Variants in NRG3 observed in about 807,000 individuals in gnomAD.
The protein encoded by NRG3 is pro-neuregulin-3, membrane-bound isoform.
A neutral mutation model predicts 66.9 loss-of-function variants in NRG3; 31 were observed. That is an observed-to-expected ratio of 0.46 (90% CI 0.35 to 0.63). The LOEUF (loss-of-function observed/expected upper bound fraction) is 0.63. Among genes scored for constraint, NRG3 ranks in the 20% least tolerant of loss-of-function variants. The pLI is 0.00. For missense variants in NRG3, 910 were observed against 878.9 expected, an observed-to-expected ratio of 1.04 and a Z score of -0.45; for synonymous variants, 393 against 359.4, an observed-to-expected ratio of 1.09 and a Z score of -1.06.
chr10:82,194,000 A>C (rs533919181), intron 1 of NRG3, among the ~76,000 whole-genome samples: 1 of 152,294 alleles, frequency 6.6e-6, no homozygotes, highest in South Asian at 2.1e-4. Context: ...TTGGCAAAGA[A>C]AATTGAGTAA....
chr10:82,419,098 A>G (rs778194146), intron 2 of NRG3, among the ~76,000 whole-genome samples: 3 of 152,210 alleles, frequency 2.0e-5, no homozygotes, highest in Non-Finnish European at 4.4e-5. Flanking sequence ...TTTATAAGGA[A>G]ATACAAGCAT....
At chr10:81,958,323 A>G (rs1170373193) in intron 1 of NRG3, among the ~76,000 whole-genome samples, 5 of 152,244 alleles carry the variant, frequency 3.3e-5, no homozygotes, top group African/African-American at 9.6e-5. Flanking sequence ...AATTCAGGAA[A>G]AACACGTTTA....
intron 4 of NRG3, among the ~76,000 whole-genome samples, chr10:82,944,205 C>A (rs978582454): frequency 2.0e-5 from 3 of 151,990 alleles, no homozygotes; most frequent in Non-Finnish European, 4.4e-5. Flanking sequence ...TTTTGCATGT[C>A]CCCAGGCTAC....
intron 2 of NRG3, among the ~76,000 whole-genome samples, chr10:82,737,715 C>T (rs2134732366): frequency 6.6e-6 from 1 of 152,216 alleles, no homozygotes; most frequent in Non-Finnish European, 1.5e-5. Flanking sequence ...TGGGGCCTCG[C>T]CGTATTTGTT....
At chr10:82,392,589 CTT>C in intron 2 of NRG3, among the ~76,000 whole-genome samples, 1 of 152,272 alleles carries the variant, frequency 6.6e-6, no homozygotes, top group East Asian at 1.9e-4. Context: ...TTAGTTAACT[CTT>C]ATTTCCTCAG....
At chr10:81,974,823 T>C (rs1315292314) in intron 1 of NRG3, among the ~76,000 whole-genome samples, 2 of 152,130 alleles carry the variant, frequency 1.3e-5, no homozygotes, top group Non-Finnish European at 1.5e-5. Context: ...ACAACTTAAG[T>C]AATTGTTACC....
At chr10:81,915,182 C>A (rs1845558238) in intron 1 of NRG3, among the ~76,000 whole-genome samples, 1 of 152,062 alleles carries the variant, frequency 6.6e-6, no homozygotes, top group South Asian at 2.1e-4. Flanking sequence ...ACTGCTCCTC[C>A]CTAAAAAAAG....
intron 2 of NRG3, among the ~76,000 whole-genome samples, chr10:82,547,017 A>G (rs951730693): frequency 7.2e-5 from 11 of 152,100 alleles, no homozygotes; most frequent in Non-Finnish European, 1.6e-4. Flanking sequence ...ACCGCAAAAT[A>G]TTTTCTAAAA....
intron 2 of NRG3, among the ~76,000 whole-genome samples, chr10:82,624,153 T>C (rs2049243555): frequency 6.6e-6 from 1 of 152,212 alleles, no homozygotes; most frequent in Non-Finnish European, 1.5e-5. Context: ...TTGTAAAATT[T>C]AAATGAGATA....
chr10:82,045,389 C>T (rs2133060124), intron 1 of NRG3, among the ~76,000 whole-genome samples: 1 of 100,310 alleles, frequency 1.0e-5, no homozygotes, highest in Middle Eastern at 4.2e-3. Flanking sequence ...CTGTTCATAT[C>T]CTTCGCCCAC....
At chr10:82,310,005 C>T (rs2080941066) in intron 1 of NRG3, among the ~76,000 whole-genome samples, 1 of 152,170 alleles carries the variant, frequency 6.6e-6, no homozygotes, top group Non-Finnish European at 1.5e-5. Context: ...CACTCCCCTT[C>T]CTACTTTTGC....
intron 1 of NRG3, among the ~76,000 whole-genome samples, chr10:82,291,303 A>G (rs1431713004): frequency 6.6e-6 from 1 of 152,184 alleles, no homozygotes; most frequent in Non-Finnish European, 1.5e-5. Flanking sequence ...CATAATCTGT[A>G]CATACTGAAA....
intron 3 of NRG3, among the ~76,000 whole-genome samples, chr10:82,850,736 AAC>A (rs2063522197): frequency 1.4e-5 from 2 of 142,826 alleles, no homozygotes; most frequent in Admixed American, 6.9e-5. Context: ...GAAATTTAAA[AAC>A]ACAGAAGTTT....
intron 2 of NRG3, among the ~76,000 whole-genome samples, chr10:82,482,133 G>A (rs1842322229): frequency 6.6e-6 from 1 of 151,864 alleles, no homozygotes; most frequent in Non-Finnish European, 1.5e-5. Flanking sequence ...TATACGTGTA[G>A]AATTAGATGT....
chr10:82,424,162 A>T (rs1233009801), intron 2 of NRG3, among the ~76,000 whole-genome samples: 1 of 151,958 alleles, frequency 6.6e-6, no homozygotes, highest in East Asian at 1.9e-4. Context: ...TACCCTAGGG[A>T]TGGAATTGCT....
At chr10:82,427,321 A>T (rs2089513289) in intron 2 of NRG3, among the ~76,000 whole-genome samples, 1 of 152,232 alleles carries the variant, frequency 6.6e-6, no homozygotes, top group East Asian at 1.9e-4. Context: ...GGTTTTTCAT[A>T]AACGCTCCTT....
At chr10:82,095,566 C>T (rs2066285588) in intron 1 of NRG3, among the ~76,000 whole-genome samples, 1 of 152,234 alleles carries the variant, frequency 6.6e-6, no homozygotes, top group Non-Finnish European at 1.5e-5. Context: ...TCACTAAAGT[C>T]TGAGAATTCT....
chr10:82,818,202 G>A (rs55658458), intron 3 of NRG3, among the ~76,000 whole-genome samples: 5 of 152,132 alleles, frequency 3.3e-5, no homozygotes, highest in Admixed American at 2.0e-4. Flanking sequence ...GTAACGCAGC[G>A]TTGCCATGGC....
intron 1 of NRG3, among the ~76,000 whole-genome samples, chr10:82,255,619 A>G (rs2077685694): frequency 6.6e-6 from 1 of 152,098 alleles, no homozygotes; most frequent in Non-Finnish European, 1.5e-5. Flanking sequence ...AAACAAACAA[A>G]AAACACAGAG....
Sources: allele counts gnomAD v4.1 joint callset (sites outside exome capture counted in the v4.1 genomes callset), GRCh38; gene constraint gnomAD v4.1.1; transcripts MANE v1.5; gene names NCBI Gene and HGNC (gene_info 2026-07-23, HGNC 2026-07-21).